GPI: variants seen among roughly 807,000 people sequenced by gnomAD.
GPI encodes the protein D-hexose-6-phosphate anomerase.
Under a neutral mutation model 75.8 loss-of-function variants are expected in GPI, and 56 were observed. The observed-to-expected ratio is 0.74, with a 90% CI of 0.60 to 0.92. The LOEUF (loss-of-function observed/expected upper bound fraction) is 0.92, where lower values mean the gene tolerates loss of function less well. GPI is among the 40% of genes least tolerant of loss of function. The pLI, the probability that GPI is intolerant of heterozygous loss-of-function variation, is 0.00. For missense variants in GPI, 638 were observed against 741.0 expected (o/e 0.86, Z 1.61); for synonymous variants, 288 against 285.4 (o/e 1.01, Z -0.09).
Position 34,379,529 on chromosome 19 carries a change from G to A in GPI, c.717G>A (p.Val239=). The A allele has an allele frequency of 6.2e-7, 1 of 1,614,104 alleles. No homozygotes were observed. Among genetic ancestry groups the A allele is most frequent in the African/African-American group, 1.3e-5 (1 of 75,022 alleles). ...FLQAAKDPSA[V]AKHFVALSTN... ...TCTGTCTCTTGTAGCCTTCTGCAGT[G>A]GCGAAGCACTTTGTTGCCCTGTCTA... The change falls in exon 8 of 18, where the codon GTG becomes GTA. Residue 239 remains valine (V), a synonymous_variant. Coordinates refer to ENST00000356487, the MANE Select transcript of GPI (RefSeq NM_000175.5).
intron 8 of GPI, chr19:34,379,862 T>C (rs903177102): frequency 1.8e-6 from 1 of 549,732 alleles, no homozygotes; most frequent in African/African-American, 1.9e-5. Context: ...TAGGCCTTTG[T>C]GCCCAGCATC....
rs530935030 is a variant in GPI at position 34,366,350 on chromosome 19, C to T, written c.128C>T (p.Thr43Ile). Residue 43 changes from threonine to isoleucine, a missense_variant, in exon 2 of 18, where the codon ACC (threonine) becomes ATC (isoleucine). By Grantham distance (89) the Thr-to-Ile change is moderately conservative. Transcript: ENST00000356487. The part of the protein sequence containing the change: ...NKDRFNHFSL[T>I]LNTNHGHILV... ...GCATCTCCATCTTTCTGCAGCTTGACCCTCAACACCAACCATGGGCATATC... is the reference window on the plus strand; with the variant it reads ...GCATCTCCATCTTTCTGCAGCTTGATCCTCAACACCAACCATGGGCATATC... 6.8e-6 allele frequency: 11 copies of T among 1,607,748 alleles called. No homozygotes were observed. The South Asian group carries it at 9.9e-5, about 14-fold the overall frequency.
intron 4 of GPI, among the ~76,000 whole-genome samples, chr19:34,372,490 A>C (rs544035037): frequency 6.6e-6 from 1 of 152,184 alleles, no homozygotes; most frequent in Admixed American, 6.5e-5. Flanking sequence ...AAAAATTTAA[A>C]AATTAGCCAG....
upstream of GPI, among the ~76,000 whole-genome samples, chr19:34,364,039 C>A (rs1568321388): frequency 2.0e-5 from 3 of 151,722 alleles, no homozygotes; most frequent in Non-Finnish European, 4.4e-5. Context: ...CTTTTCTTTT[C>A]TTTTTTTTAA....
Position 34,393,053 on chromosome 19 carries a change from G to C in GPI, c.805-195G>C, listed in dbSNP as rs1174925678. On this transcript the variant is annotated intron_variant, in intron 9 of 17. Coordinates refer to ENST00000356487, the MANE Select transcript of GPI (RefSeq NM_000175.5). This position sits in a 1 kb window ranked among gnomAD's most constrained non-coding sequence, Gnocchi z 4.4. ...CTCTTCAGTTTGTCTTGTGGCTGTGGTCAGTCATCTGTAGTCTGCCCTGTT... is the reference window on the plus strand; with the variant it reads ...CTCTTCAGTTTGTCTTGTGGCTGTGCTCAGTCATCTGTAGTCTGCCCTGTT... 7.8e-6 allele frequency: 5 copies of C among 638,148 alleles called. No homozygotes were observed. The African/African-American group carries it at 9.0e-5, about 11-fold the overall frequency. The allele number at this position is 638,148 out of a possible 1,614,324, so 39.5% of individuals were successfully genotyped here. A position where few individuals can be genotyped will look rare whatever the true frequency, so the allele number is the denominator to read the frequency against.
At chr19:34,363,383 G>A (rs1358981615), upstream of GPI, 2 of 152,402 alleles carry the variant, frequency 1.3e-5, no homozygotes, top group African/African-American at 4.8e-5. Flanking sequence ...GGAATCACAG[G>A]GTAAGTGATA....
intron 9 of GPI, among the ~76,000 whole-genome samples, chr19:34,388,184 G>A (rs2074766183): frequency 6.6e-6 from 1 of 152,164 alleles, no homozygotes; most frequent in Admixed American, 6.5e-5. Context: ...TGAGTTAAAA[G>A]TGAGGAAAGT....
chr19:34,360,433 T>A (rs1430239112), upstream of GPI, among the ~76,000 whole-genome samples: 1 of 151,840 alleles, frequency 6.6e-6, no homozygotes, highest in East Asian at 1.9e-4. Context: ...TCTCTACAAA[T>A]AATAATAATA....
chr19:34,372,861 C>T (rs2145341590), intron 4 of GPI, among the ~76,000 whole-genome samples: 1 of 152,094 alleles, frequency 6.6e-6, no homozygotes, highest in South Asian at 2.1e-4. Flanking sequence ...GCAACCTCCG[C>T]CTCCCAGGTT....
intron 9 of GPI, among the ~76,000 whole-genome samples, chr19:34,387,217 TG>T (rs2074749332): frequency 1.3e-5 from 2 of 152,330 alleles, no homozygotes; most frequent in South Asian, 4.1e-4. Context: ...CCTGAGGCAC[TG>T]GAGTTGGACA....
At chr19:34,387,207 C>T (rs754363514) in intron 9 of GPI, among the ~76,000 whole-genome samples, 2 of 152,194 alleles carry the variant, frequency 1.3e-5, no homozygotes, top group Admixed American at 6.5e-5. Flanking sequence ...AACTCTGTAG[C>T]CTGAGGCACT....
rs759987877 is a variant in GPI, at chr19:34,365,230, G to A, written c.-37G>A. On this transcript the variant is annotated 5_prime_UTR_variant, in exon 1 of 18. Coordinates refer to ENST00000356487, the MANE Select transcript of GPI (RefSeq NM_000175.5). Reference sequence around the variant, plus strand: ...GCGCTGCCGGCGCTCCTTCCTCCTCGGCTCGCGTCTCACTCAGTGTACCTT... The same window carrying A: ...GCGCTGCCGGCGCTCCTTCCTCCTCAGCTCGCGTCTCACTCAGTGTACCTT... 2 of 1,446,574 alleles carry A rather than the reference G, an allele frequency of 1.4e-6. No individual in the cohort carries two copies. Among genetic ancestry groups the A allele is most frequent in the Non-Finnish European group, 9.1e-7 (1 of 1,092,946 alleles). The allele number at this position is 1,446,574 out of a possible 1,614,324, so 89.6% of individuals were successfully genotyped here.
Position 34,401,194 on chromosome 19 carries a change from G to GT in GPI, c.*1164dup, listed in dbSNP as rs1342586794. On this transcript the variant is annotated 3_prime_UTR_variant, in exon 18 of 18. Transcript: ENST00000356487. ...CAGGTTGTACCACTATGCCCTGCTA[G>GT]TTTTTTCATTTTTTGTAGAGAGACG... 2.0e-5 allele frequency: 3 copies of GT among 151,292 alleles called. No individual in the cohort carries two copies. The highest frequency in any genetic ancestry group is 7.3e-5 in the African/African-American group (3 of 41,166). The allele number at this position is 151,292 out of a possible 1,614,324, so 9.4% of individuals were successfully genotyped here. A position where few individuals can be genotyped will look rare whatever the true frequency, so the allele number is the denominator to read the frequency against.
upstream of GPI, among the ~76,000 whole-genome samples, chr19:34,361,576 T>C (rs1004363752): frequency 3.9e-5 from 6 of 152,128 alleles, no homozygotes; most frequent in Non-Finnish European, 8.8e-5. Flanking sequence ...ATTAGTACTT[T>C]CTAATCCAAA....
intron 3 of GPI, among the ~76,000 whole-genome samples, chr19:34,367,883 A>ACTTCAGGCTTCATGAGCACTCAT (rs2074390005): frequency 2.6e-5 from 4 of 152,214 alleles, no homozygotes; most frequent in Non-Finnish European, 1.5e-5. Context: ...GGATGAGGTT[A>ACTTCAGGCTTCATGAGCACTCAT]CTTCAGGCTT....
At chr19:34,370,272 G>A (rs74966218) in intron 4 of GPI, among the ~76,000 whole-genome samples, 1,755 of 152,290 alleles carry the variant, frequency 0.012, 41 homozygotes, top group African/African-American at 0.039. Context: ...GGAGAACGAG[G>A]GTGATGCCGG....
intron 9 of GPI, among the ~76,000 whole-genome samples, chr19:34,387,864 C>T (rs1162063058): frequency 2.0e-5 from 3 of 152,118 alleles, no homozygotes; most frequent in Non-Finnish European, 4.4e-5. Flanking sequence ...AATGGTGAGG[C>T]TGGCCAGGCC....
At position 34,378,892 on chromosome 19, in the gene GPI, C is replaced by T. The variant is rs772613140; in HGVS notation, c.634-42C>T. ...AACCCTGGCTCAAGGCCTGCACCCA[C>T]CCCTAAGCTCGGGCGCCCACTGCTG... On this transcript the variant is annotated intron_variant, in intron 6 of 17. Coordinates refer to ENST00000356487, the MANE Select transcript of GPI (RefSeq NM_000175.5). The T allele has an allele frequency of 4.6e-6, 7 of 1,507,320 alleles. No homozygotes were observed. The South Asian group carries it at 7.9e-5, about 17-fold the overall frequency. 93.4% of individuals were successfully genotyped at this position (1,507,320 alleles called of 1,614,324 possible). A position where few individuals can be genotyped will look rare whatever the true frequency, so the allele number is the denominator to read the frequency against.
chr19:34,396,684 G>A, intron 14 of GPI, 27 bp downstream of exon 14: 1 of 1,594,896 alleles, frequency 6.3e-7, no homozygotes, highest in South Asian at 1.1e-5. Context: ...GGCCCCATCT[G>A]GGGGGTCTGG....
Sources: allele counts gnomAD v4.1 joint callset (sites outside exome capture counted in the v4.1 genomes callset), GRCh38; gene constraint gnomAD v4.1.1; non-coding constraint Gnocchi (gnomAD v3.1); transcripts MANE v1.5; gene names NCBI Gene and HGNC (gene_info 2026-07-23, HGNC 2026-07-21).